Variants in FBXL17 observed in about 807,000 individuals in gnomAD.
FBXL17 encodes F-box/LRR-repeat protein 17.
A neutral mutation model predicts 66.2 loss-of-function variants in FBXL17; 22 were observed. The ratio of observed to expected loss-of-function variants is 0.33; its 90% CI spans 0.24 to 0.47. The LOEUF (loss-of-function observed/expected upper bound fraction) is 0.47. Among genes scored for constraint, FBXL17 ranks in the 20% least tolerant of loss-of-function variants. FBXL17 has a pLI of 1.00. For missense variants in FBXL17, 878 were observed against 948.2 expected, an observed-to-expected ratio of 0.93 and a Z score of 0.97; for synonymous variants, 474 against 400.5, an observed-to-expected ratio of 1.18 and a Z score of -2.19.
intron 4 of FBXL17, among the ~76,000 whole-genome samples, chr5:108,320,711 G>A (rs1317851057): frequency 6.6e-6 from 1 of 151,726 alleles, no homozygotes; most frequent in African/African-American, 2.4e-5. Context: ...TGCTAGATTT[G>A]TTAAGAACAA....
intron 1 of FBXL17, among the ~76,000 whole-genome samples, chr5:108,370,082 C>A (rs960104378): frequency 5.9e-5 from 9 of 152,108 alleles, no homozygotes; most frequent in Non-Finnish European, 1.2e-4. Context: ...TTATACAAAA[C>A]CTAATGTACA....
At chr5:108,285,833 T>TAA in intron 4 of FBXL17, among the ~76,000 whole-genome samples, 1 of 142,828 alleles carries the variant, frequency 7.0e-6, no homozygotes, top group Non-Finnish European at 1.6e-5. Flanking sequence ...CTCAACAAAA[T>TAA]AAAAAAAAAA....
At chr5:108,060,068 T>C (rs1240395106) in intron 6 of FBXL17, among the ~76,000 whole-genome samples, 1 of 150,838 alleles carries the variant, frequency 6.6e-6, no homozygotes, top group African/African-American at 2.4e-5. Flanking sequence ...ATAAAACATA[T>C]GAATATATAT....
At chr5:108,253,731 A>G (rs1317804202) in intron 4 of FBXL17, among the ~76,000 whole-genome samples, 5 of 152,140 alleles carry the variant, frequency 3.3e-5, no homozygotes, top group Admixed American at 1.3e-4. Context: ...AGTAGCCTAT[A>G]CCTATAATCA....
intron 3 of FBXL17, among the ~76,000 whole-genome samples, chr5:108,356,120 G>T (rs1036581910): frequency 1.3e-4 from 20 of 152,216 alleles, no homozygotes; most frequent in African/African-American, 4.6e-4. Flanking sequence ...TCAAAGCAAA[G>T]AATGTTATCA....
At chr5:108,138,324 C>A (rs961696545) in intron 6 of FBXL17, among the ~76,000 whole-genome samples, 25 of 152,312 alleles carry the variant, frequency 1.6e-4, no homozygotes, top group African/African-American at 6.0e-4. Flanking sequence ...TGGCTTCACT[C>A]TAAATTTGCA....
chr5:108,284,926 T>A (rs1016420606), intron 4 of FBXL17, among the ~76,000 whole-genome samples: 1 of 151,870 alleles, frequency 6.6e-6, no homozygotes, highest in Non-Finnish European at 1.5e-5. Context: ...TGTGATGCTG[T>A]TTGATCATAT....
intron 6 of FBXL17, among the ~76,000 whole-genome samples, chr5:108,050,125 A>G (rs956595641): frequency 2.6e-5 from 4 of 152,230 alleles, no homozygotes; most frequent in Non-Finnish European, 4.4e-5. Flanking sequence ...TTAGACTCCC[A>G]CACAATAATA....
intron 5 of FBXL17, among the ~76,000 whole-genome samples, chr5:108,213,153 C>G (rs1413619656): frequency 1.3e-5 from 2 of 152,084 alleles, no homozygotes; most frequent in Non-Finnish European, 2.9e-5. Flanking sequence ...CTCCCCCTAC[C>G]GAGCTTGAGC....
intron 4 of FBXL17, among the ~76,000 whole-genome samples, chr5:108,290,712 T>A (rs1758075230): frequency 6.6e-6 from 1 of 152,290 alleles, no homozygotes; most frequent in African/African-American, 2.4e-5. Context: ...AGATCCTATA[T>A]CTTTCAACAA....
rs183013969 is a variant in FBXL17, at chr5:108,293,673, G to T, written c.1506+54726C>A. 2.0e-5 allele frequency among the ~76,000 whole-genome samples: 3 copies of T among 152,208 alleles called. 1 individual carries two copies. In the South Asian group the frequency reaches 6.2e-4, roughly 32 times the overall value. On this transcript the variant is annotated intron_variant, in intron 4 of 8. Transcript: ENST00000542267. Reference sequence around the variant, plus strand: ...CACCATAAAAAGCAAACAGGTATTTGCTGTTAAGTCATTAATTTTACCACT... The same window carrying T: ...CACCATAAAAAGCAAACAGGTATTTTCTGTTAAGTCATTAATTTTACCACT...
intron 6 of FBXL17, among the ~76,000 whole-genome samples, chr5:108,042,437 A>G (rs1330633718): frequency 1.3e-5 from 2 of 151,954 alleles, no homozygotes; most frequent in Admixed American, 1.3e-4. Context: ...ATCTTATTTA[A>G]CCCCTGGTAA....
chr5:107,965,463 T>G (rs370648992), intron 7 of FBXL17, among the ~76,000 whole-genome samples: 2 of 152,094 alleles, frequency 1.3e-5, no homozygotes, highest in East Asian at 1.9e-4. Flanking sequence ...TTTATAAAAA[T>G]GAATTAAAAT....
At chr5:108,343,286 T>TCAA (rs892069337) in intron 4 of FBXL17, among the ~76,000 whole-genome samples, 3 of 152,142 alleles carry the variant, frequency 2.0e-5, no homozygotes, top group African/African-American at 7.2e-5. Context: ...AATGCCACAT[T>TCAA]CAAATATTAC....
intron 6 of FBXL17, among the ~76,000 whole-genome samples, chr5:108,147,764 G>A (rs1751614645): frequency 6.6e-6 from 1 of 152,030 alleles, no homozygotes; most frequent in Non-Finnish European, 1.5e-5. Flanking sequence ...AAATCTGCAT[G>A]ATACCAAAGA....
chr5:108,296,772 C>G (rs1466185846), intron 4 of FBXL17, among the ~76,000 whole-genome samples: 2 of 151,506 alleles, frequency 1.3e-5, no homozygotes, highest in Non-Finnish European at 1.5e-5. Flanking sequence ...ATTAAAATAT[C>G]TTTTAAAATG....
In FBXL17 at chr5:108,201,853, T is replaced by TAAA. The variant is rs55995911; in HGVS notation, c.1615-15609_1615-15607dup. On this transcript the variant is annotated intron_variant, in intron 5 of 8. Coordinates refer to ENST00000542267, the MANE Select transcript of FBXL17 (RefSeq NM_001163315.3). ...AAAACACTGTGAATGAATTTGAAAG[T>TAAA]AAAAAAAAAAAAAAAAAAATGAAAG... is the stretch of plus-strand genomic sequence containing the variant. 1.5e-3 allele frequency among the ~76,000 whole-genome samples: 197 copies of TAAA among 129,412 alleles called. 1 individual carries two copies. Among genetic ancestry groups the TAAA allele is most frequent in the African/African-American group, 4.9e-3 (173 of 35,600 alleles). The allele number at this position is 129,412 out of a possible 152,430, so 84.9% of individuals were successfully genotyped here.
In FBXL17 at chr5:108,056,469, C is replaced by G. The variant is rs1017735530; in HGVS notation, c.1746-35468G>C. Among the ~76,000 whole-genome samples, 3 of 152,092 alleles carry G rather than the reference C, an allele frequency of 2.0e-5. No homozygotes were observed. In the South Asian group the frequency reaches 6.2e-4, roughly 32 times the overall value. On this transcript the variant is annotated intron_variant, in intron 6 of 8. Coordinates refer to ENST00000542267, the MANE Select transcript of FBXL17 (RefSeq NM_001163315.3). ...TTGGTTATGTGCAAAATAGAAAACCCTAATATGATCTGAGACAAGATTAGT... is the reference window on the plus strand; with the variant it reads ...TTGGTTATGTGCAAAATAGAAAACCGTAATATGATCTGAGACAAGATTAGT...
intron 7 of FBXL17, among the ~76,000 whole-genome samples, chr5:107,889,681 T>A (rs1406176406): frequency 2.0e-5 from 3 of 152,230 alleles, no homozygotes; most frequent in Admixed American, 1.3e-4. Context: ...ATAGGTTGCA[T>A]CTGCTTTCCT....
Sources: allele counts gnomAD v4.1 joint callset (sites outside exome capture counted in the v4.1 genomes callset), GRCh38; gene constraint gnomAD v4.1.1; transcripts MANE v1.5; gene names NCBI Gene and HGNC (gene_info 2026-07-23, HGNC 2026-07-21).